The following DNAH11 variants were observed in gnomAD, a reference collection of about 807,000 sequenced individuals.
The protein encoded by DNAH11 is dynein axonemal heavy chain 11.
A neutral mutation model predicts 526.0 loss-of-function variants in DNAH11; 442 were observed. That is an observed-to-expected ratio of 0.84 (90% confidence interval 0.78 to 0.91). DNAH11 has a LOEUF of 0.91. Among genes scored for constraint, DNAH11 ranks in the 40% least tolerant of loss-of-function variants. The probability of loss-of-function intolerance (pLI) is 0.00; values close to 1 mark genes in which losing one functional copy is unlikely to be tolerated. For synonymous variants in DNAH11, 2,461 were observed against 1,935.9 expected, an observed-to-expected ratio of 1.27 and a Z score of -7.12; for missense variants, 6,989 against 5,448.7, an observed-to-expected ratio of 1.28 and a Z score of -8.90.
chr7:21,611,386 T>C (rs980451084), intron 20 of DNAH11, among the ~76,000 whole-genome samples: 3 of 152,180 alleles, frequency 2.0e-5, no homozygotes, highest in Non-Finnish European at 2.9e-5. Context: ...ACTGCTGGCA[T>C]CCGGGTTTCC....
intron 65 of DNAH11, among the ~76,000 whole-genome samples, chr7:21,842,311 G>A (rs1278706646): frequency 6.6e-6 from 1 of 152,142 alleles, no homozygotes; most frequent in Non-Finnish European, 1.5e-5. Flanking sequence ...ACACTATGGG[G>A]TGAGTACTAT....
chr7:21,633,387 C>G (rs1043512283), intron 25 of DNAH11, among the ~76,000 whole-genome samples: 1 of 152,150 alleles, frequency 6.6e-6, no homozygotes, highest in Non-Finnish European at 1.5e-5. Flanking sequence ...GATGATCTAT[C>G]CATTGTTGAA....
chr7:21,851,296 T>C (rs560662431), intron 66 of DNAH11: 11 of 252,186 alleles, frequency 4.4e-5, no homozygotes, highest in Non-Finnish European at 7.1e-5. Flanking sequence ...AAGAAGGACA[T>C]GTTTGCTTCC....
intron 36 of DNAH11, among the ~76,000 whole-genome samples, 186 bp from the exon 37 acceptor site, chr7:21,702,524 G>T (rs1016248905): frequency 2.0e-5 from 3 of 151,528 alleles, no homozygotes; most frequent in Admixed American, 1.3e-4. Context: ...AAAGGTGAAA[G>T]AAACAGGACG....
chr7:21,645,856 G>A (rs958898648), intron 28 of DNAH11, among the ~76,000 whole-genome samples: 4 of 152,112 alleles, frequency 2.6e-5, no homozygotes, highest in African/African-American at 9.7e-5. Context: ...TACAACATGT[G>A]AGGAAGGATA....
intron 42 of DNAH11, among the ~76,000 whole-genome samples, chr7:21,716,740 A>G (rs753010503): frequency 6.6e-6 from 1 of 152,342 alleles, no homozygotes; most frequent in African/African-American, 2.4e-5. Context: ...ACACAGGGAC[A>G]TTCTATCAGG....
Position 21,901,388 on chromosome 7 carries a change from T to TGAAAAA in DNAH11, c.*134_*135insGAAAAA. The TGAAAAA allele has an allele frequency of 1.6e-6, 2 of 1,272,226 alleles. No homozygotes were observed. The highest frequency in any genetic ancestry group is 2.0e-6 in the Non-Finnish European group (2 of 982,136). 78.8% of individuals were successfully genotyped at this position (1,272,226 alleles called of 1,614,324 possible). A position where few individuals can be genotyped will look rare whatever the true frequency, so the allele number is the denominator to read the frequency against. ...TGCATTCTTTTTTCAACGCTATCCT[T>TGAAAAA]AGAGTGAAAGTCAGAAAAAAATACT... On this transcript the variant is annotated 3_prime_UTR_variant, in exon 82 of 82. Transcript: ENST00000409508.
rs371418299 is a variant in DNAH11 at position 21,880,850 on chromosome 7, T to G, written c.12344T>G (p.Ile4115Ser). The G allele has an allele frequency of 3.1e-4, 503 of 1,613,542 alleles. 8 individuals are homozygous for G. The South Asian group carries it at 4.3e-3, about 14-fold the overall frequency. Residue 4115 changes from isoleucine (I) to serine (S), a missense_variant, in exon 75 of 82, where the codon ATT becomes AGT. Coordinates refer to ENST00000409508, the MANE Select transcript of DNAH11 (RefSeq NM_001277115.2). ...CCTTTTAATCCTGGAGACCTCACCATTTGTGCCAGTGTCCTCTACAACTAC... is the reference window on the plus strand; with the variant it reads ...CCTTTTAATCCTGGAGACCTCACCAGTTGTGCCAGTGTCCTCTACAACTAC... ...SYPFNPGDLTICASVLYNYLE... is the reference protein window; with the variant it reads ...SYPFNPGDLTSCASVLYNYLE...
At chr7:21,543,640 A>T in intron 1 of DNAH11, 44 bp downstream of exon 1, 1 of 1,541,876 alleles carries the variant, frequency 6.5e-7, no homozygotes, top group Non-Finnish European at 8.8e-7. Context: ...CAACAAAACT[A>T]CCCAGGGGAG....
At chr7:21,634,805 CG>C (rs1191421918) in intron 25 of DNAH11, among the ~76,000 whole-genome samples, 1 of 151,872 alleles carries the variant, frequency 6.6e-6, no homozygotes, top group Non-Finnish European at 1.5e-5. Flanking sequence ...TGTACCCCCC[CG>C]AACCCAAAAT....
intron 35 of DNAH11, among the ~76,000 whole-genome samples, chr7:21,691,247 C>A (rs1377107499): frequency 1.3e-5 from 2 of 149,688 alleles, no homozygotes; most frequent in Non-Finnish European, 3.0e-5. Context: ...AATGCTAACA[C>A]AAAGCCAAGG....
At chr7:21,674,628 C>CT (rs1562745569) in intron 30 of DNAH11, among the ~76,000 whole-genome samples, 1 of 152,050 alleles carries the variant, frequency 6.6e-6, no homozygotes, top group African/African-American at 2.4e-5. Flanking sequence ...CACGATCTTT[C>CT]TTTTTCCTTC....
intron 39 of DNAH11, 146 bp from the exon 40 acceptor site, chr7:21,707,553 A>G (rs1366531674): frequency 1.0e-6 from 1 of 953,216 alleles, no homozygotes; most frequent in Non-Finnish European, 1.5e-6. Context: ...GAATGCACAC[A>G]TGTGCATTTT....
chr7:21,615,418 T>G, intron 21 of DNAH11, 146 bp downstream of exon 21: 1 of 800,258 alleles, frequency 1.2e-6, no homozygotes, highest in Non-Finnish European at 1.8e-6. Flanking sequence ...AAATTAGAGT[T>G]CATGTATCTC....
intron 20 of DNAH11, among the ~76,000 whole-genome samples, chr7:21,611,126 T>C (rs150010060): frequency 2.8e-4 from 43 of 152,220 alleles, no homozygotes; most frequent in African/African-American, 9.4e-4. Flanking sequence ...GTGGGCATTG[T>C]CCAATTGGCT....
At chr7:21,806,424 G>A (rs1351328876) in intron 62 of DNAH11, among the ~76,000 whole-genome samples, 5 of 152,200 alleles carry the variant, frequency 3.3e-5, no homozygotes, top group Non-Finnish European at 7.3e-5. Context: ...GTTCCTTAGT[G>A]TTTAATTATA....
intron 45 of DNAH11, among the ~76,000 whole-genome samples, chr7:21,729,804 C>G (rs569300770): frequency 6.6e-6 from 1 of 152,296 alleles, no homozygotes; most frequent in South Asian, 2.1e-4. Flanking sequence ...CATTTTCTTG[C>G]CTGCACCTTA....
chr7:21,562,290 C>A (rs1705396691), intron 5 of DNAH11, among the ~76,000 whole-genome samples: 1 of 152,082 alleles, frequency 6.6e-6, no homozygotes, highest in Non-Finnish European at 1.5e-5. Flanking sequence ...TGGCTCCATC[C>A]CTGTTGTGAT....
chr7:21,761,387 G>A (rs7796296), intron 54 of DNAH11, among the ~76,000 whole-genome samples: 107,945 of 152,080 alleles, frequency 0.71, 39,225 homozygotes, highest in Non-Finnish European at 0.79. Flanking sequence ...TAGATTACAT[G>A]TAATTATTTA....
Sources: gnomAD v4.1 joint callset for allele counts (sites outside exome capture counted in the v4.1 genomes callset) on GRCh38, gnomAD v4.1.1 for gene constraint, MANE v1.5 for transcripts, NCBI Gene and HGNC (gene_info 2026-07-23, HGNC 2026-07-21) for gene names.